NWD2: variants seen among roughly 807,000 people sequenced by gnomAD.
NWD2 encodes NACHT and WD repeat domain-containing protein 2.
A neutral mutation model predicts 132.7 loss-of-function variants in NWD2; 37 were observed. The observed-to-expected ratio is 0.28, with a 90% CI of 0.21 to 0.37. NWD2 has a LOEUF of 0.37. NWD2 is among the 10% of genes least tolerant of loss of function. The probability of loss-of-function intolerance (pLI) is 1.00; values close to 1 mark genes in which losing one functional copy is unlikely to be tolerated. For synonymous variants in NWD2, 705 were observed against 803.0 expected (o/e 0.88, Z 2.06); for missense variants, 1,592 against 2,122.4 (o/e 0.75, Z 4.91).
At chr4:37,363,053 A>T (rs555919983) in intron 3 of NWD2, among the ~76,000 whole-genome samples, 72 of 152,368 alleles carry the variant, frequency 4.7e-4, no homozygotes, top group African/African-American at 1.7e-3. Flanking sequence ...GTATGAAAAA[A>T]ATGCTTATCA....
Position 37,294,521 on chromosome 4 carries a change from A to G in NWD2, c.152-31415A>G, listed in dbSNP as rs371470653. Among the ~76,000 whole-genome samples, 216 of 152,322 alleles carry G rather than the reference A, an allele frequency of 1.4e-3. 8 individuals carry two copies. In the South Asian group the frequency reaches 0.043, roughly 30 times the overall value. ...ATCTCACCTCCTGCTTATTAATAAGATAGCAGCAGCAAACTAAGGGAAAAG... is the reference window on the plus strand; with the variant it reads ...ATCTCACCTCCTGCTTATTAATAAGGTAGCAGCAGCAAACTAAGGGAAAAG... On this transcript the variant is annotated intron_variant, in intron 1 of 6. Coordinates refer to ENST00000309447, the MANE Select transcript of NWD2 (RefSeq NM_001144990.2).
intron 2 of NWD2, among the ~76,000 whole-genome samples, chr4:37,335,303 G>C (rs566461509): frequency 1.8e-4 from 10 of 55,564 alleles, no homozygotes; most frequent in East Asian, 1.4e-3. Context: ...GGGTGGGCGG[G>C]GGGGGGGGGC....
At chr4:37,310,924 A>G (rs943455357) in intron 1 of NWD2, among the ~76,000 whole-genome samples, 4 of 151,196 alleles carry the variant, frequency 2.6e-5, no homozygotes, top group South Asian at 2.1e-4. Flanking sequence ...GAGAATGATG[A>G]TTTCCAATTT....
chr4:37,394,804 T>TTTTTG (rs1183087105), intron 3 of NWD2, among the ~76,000 whole-genome samples: 1 of 94,838 alleles, frequency 1.1e-5, no homozygotes, highest in Non-Finnish European at 2.2e-5. Context: ...TTATGGTTTT[T>TTTTTG]TTTTTTTTTT....
chr4:37,256,148 A>G (rs947580259), intron 1 of NWD2, among the ~76,000 whole-genome samples: 1 of 152,178 alleles, frequency 6.6e-6, no homozygotes, highest in African/African-American at 2.4e-5. Context: ...AACAGCAGTG[A>G]TTAGTAATGT....
At chr4:37,276,170 G>A (rs1718007894) in intron 1 of NWD2, among the ~76,000 whole-genome samples, 1 of 152,042 alleles carries the variant, frequency 6.6e-6, no homozygotes, top group Non-Finnish European at 1.5e-5. Flanking sequence ...GCAACCTACA[G>A]AATGGGAGAA....
intron 1 of NWD2, among the ~76,000 whole-genome samples, chr4:37,280,884 A>G (rs1432757427): frequency 6.6e-6 from 1 of 152,170 alleles, no homozygotes; most frequent in Non-Finnish European, 1.5e-5. Context: ...ACCCTGGGGA[A>G]TAAAGACCAT....
At chr4:37,367,589 A>G (rs1720128148) in intron 3 of NWD2, among the ~76,000 whole-genome samples, 2 of 152,198 alleles carry the variant, frequency 1.3e-5, no homozygotes, top group Non-Finnish European at 2.9e-5. Flanking sequence ...TAAACGGATG[A>G]TAGGATTTCA....
intron 1 of NWD2, among the ~76,000 whole-genome samples, chr4:37,262,788 C>T (rs1717667101): frequency 1.3e-5 from 2 of 152,090 alleles, no homozygotes; most frequent in South Asian, 4.1e-4. Flanking sequence ...TCATATGTGG[C>T]CTGGGAAGAC....
rs187846039 is a variant in NWD2 at position 37,396,120 on chromosome 4, G to A, written c.358-34452G>A. On this transcript the variant is annotated intron_variant, in intron 3 of 6. Coordinates refer to ENST00000309447, the MANE Select transcript of NWD2 (RefSeq NM_001144990.2). Reference sequence around the variant, plus strand: ...CAAATTTAAGCCAACCCTGCCTGCCGTCTTGCATGCCATCATGACTGGTGC... The same window carrying A: ...CAAATTTAAGCCAACCCTGCCTGCCATCTTGCATGCCATCATGACTGGTGC... 7.2e-5 allele frequency among the ~76,000 whole-genome samples: 11 copies of A among 152,230 alleles called. No individual in the cohort carries two copies. In the East Asian group the frequency reaches 1.4e-3, roughly 19 times the overall value.
intron 5 of NWD2, among the ~76,000 whole-genome samples, chr4:37,434,480 G>A (rs951694679): frequency 4.6e-5 from 7 of 152,102 alleles, no homozygotes; most frequent in Non-Finnish European, 7.4e-5. Flanking sequence ...TGATAGCCAA[G>A]TAATCAAATA....
rs552416631 is a variant in NWD2 at position 37,425,894 on chromosome 4, G to T, written c.358-4678G>T. 3.9e-5 allele frequency among the ~76,000 whole-genome samples: 6 copies of T among 152,284 alleles called. No individual in the cohort carries two copies. The South Asian group carries it at 1.0e-3, about 26-fold the overall frequency. On this transcript the variant is annotated intron_variant, in intron 3 of 6. Transcript: ENST00000309447. The stretch of plus-strand genomic sequence containing the variant: ...TCATTCATGGATACTCCCCATGGCT[G>T]CAGATCTAACGAATAGTCTAATTAG...
chr4:37,409,701 T>C (rs1241874459), intron 3 of NWD2, among the ~76,000 whole-genome samples: 1 of 151,910 alleles, frequency 6.6e-6, no homozygotes, highest in East Asian at 1.9e-4. Context: ...AGACACATAA[T>C]CATCAGATTC....
At chr4:37,356,321 CA>C in intron 2 of NWD2, 44 bp from the exon 3 acceptor site, 1 of 1,039,870 alleles carries the variant, frequency 9.6e-7, no homozygotes, top group South Asian at 1.9e-5. Context: ...TAAATAAAAA[CA>C]AAGCCCACAT....
chr4:37,275,019 C>A (rs954283420), intron 1 of NWD2, among the ~76,000 whole-genome samples: 21 of 152,238 alleles, frequency 1.4e-4, no homozygotes, highest in African/African-American at 4.6e-4. Flanking sequence ...AAAACTGGCA[C>A]AAGACAGGGA....
At chr4:37,367,896 G>A (rs1340084313) in intron 3 of NWD2, among the ~76,000 whole-genome samples, 1 of 152,108 alleles carries the variant, frequency 6.6e-6, no homozygotes, top group Non-Finnish European at 1.5e-5. Context: ...TTAATCCAAA[G>A]CCAACATTCT....
intron 1 of NWD2, among the ~76,000 whole-genome samples, chr4:37,272,616 A>T (rs1717894768): frequency 6.6e-6 from 1 of 151,794 alleles, no homozygotes; most frequent in Admixed American, 6.6e-5. Context: ...GCCTAGTGGC[A>T]TGCCCTCTAT....
intron 1 of NWD2, among the ~76,000 whole-genome samples, chr4:37,249,727 A>C (rs986691888): frequency 6.6e-6 from 1 of 152,116 alleles, no homozygotes; most frequent in Non-Finnish European, 1.5e-5. Context: ...TTTTCTGTCC[A>C]CTCAGATTTC....
At chr4:37,312,722 A>G (rs538891338) in intron 1 of NWD2, among the ~76,000 whole-genome samples, 1 of 151,166 alleles carries the variant, frequency 6.6e-6, no homozygotes, top group Admixed American at 6.5e-5. Flanking sequence ...TTCAAAGGGA[A>G]TGCTTCCAGT....
Sources: gnomAD v4.1 joint callset for allele counts (sites outside exome capture counted in the v4.1 genomes callset) on GRCh38, gnomAD v4.1.1 for gene constraint, MANE v1.5 for transcripts, NCBI Gene and HGNC (gene_info 2026-07-23, HGNC 2026-07-21) for gene names.